IQCM: variants seen among roughly 807,000 people sequenced by gnomAD.
IQCM encodes the protein IQ motif containing M, also known as IQ domain-containing protein M.
Under a neutral mutation model 57.6 loss-of-function variants are expected in IQCM, and 45 were observed. That is an observed-to-expected ratio of 0.78 (90% CI 0.62 to 1.00). The LOEUF is 1.00. IQCM is among the 50% of genes least tolerant of loss of function. IQCM has a pLI of 0.00. For synonymous variants in IQCM, 148 were observed against 158.9 expected (o/e 0.93, Z 0.51); for missense variants, 468 against 511.6 (o/e 0.91, Z 0.82).
intron 12 of IQCM, among the ~76,000 whole-genome samples, chr4:149,488,687 G>A (rs1741780685): frequency 6.6e-6 from 1 of 152,022 alleles, no homozygotes; most frequent in African/African-American, 2.4e-5. Flanking sequence ...GCTCTATTGG[G>A]TCATAACCGC....
At chr4:149,355,756 C>T (rs1054989178) in intron 13 of IQCM, among the ~76,000 whole-genome samples, 1 of 152,042 alleles carries the variant, frequency 6.6e-6, no homozygotes, top group East Asian at 1.9e-4. Context: ...TGGGTATATA[C>T]CCAGTAATGG....
intron 13 of IQCM, among the ~76,000 whole-genome samples, chr4:149,379,193 T>C (rs1179688762): frequency 2.0e-5 from 3 of 152,170 alleles, no homozygotes. Context: ...ATGGAGAACC[T>C]CTGCTAGGGC....
At position 149,742,564 on chromosome 4, in the gene IQCM, T is replaced by C. The variant is rs993823411; in HGVS notation, c.37+91A>G. The stretch of plus-strand genomic sequence containing the variant: ...TTTCAAGATGTGCCAATAAGTGTAG[T>C]GCTCTGAGGGTCACTAATTAATAGA... On this transcript the variant is annotated intron_variant, in intron 3 of 13. Transcript: ENST00000636793. 4.7e-5 allele frequency: 31 copies of C among 655,034 alleles called. No homozygotes were observed. In the Admixed American group the frequency reaches 4.8e-4, roughly 10 times the overall value. 40.6% of individuals were successfully genotyped at this position (655,034 alleles called of 1,614,324 possible).
At chr4:149,791,226 T>C (rs1328459258) in intron 2 of IQCM, among the ~76,000 whole-genome samples, 4 of 152,162 alleles carry the variant, frequency 2.6e-5, no homozygotes, top group Admixed American at 2.0e-4. Context: ...ATTTTATTAC[T>C]GTCTTTTATT....
At chr4:149,417,973 G>C (rs935360365) in intron 13 of IQCM, among the ~76,000 whole-genome samples, 2 of 151,106 alleles carry the variant, frequency 1.3e-5, no homozygotes, top group Admixed American at 6.6e-5. Context: ...CAGTGTTAAG[G>C]GGGAAATTTA....
chr4:149,354,256 T>C (rs1449655949), intron 13 of IQCM, among the ~76,000 whole-genome samples: 4 of 143,094 alleles, frequency 2.8e-5, no homozygotes, highest in Non-Finnish European at 4.6e-5. Context: ...CCCAGCTACT[T>C]GGGAGGCTGA....
At chr4:149,358,061 A>T (rs535174058) in intron 13 of IQCM, among the ~76,000 whole-genome samples, 4 of 152,258 alleles carry the variant, frequency 2.6e-5, no homozygotes, top group Admixed American at 1.3e-4. Context: ...CTCTGATGGT[A>T]GTTTGTATTT....
chr4:149,538,610 T>C (rs1479283037), intron 12 of IQCM, among the ~76,000 whole-genome samples: 2 of 151,978 alleles, frequency 1.3e-5, no homozygotes, highest in Admixed American at 6.6e-5. Context: ...AAGATCAAAC[T>C]CTATGCTCTC....
At position 149,538,386 on chromosome 4, in the gene IQCM, T is replaced by C. The variant is rs545405677; in HGVS notation, c.1228+10069A>G. Among the ~76,000 whole-genome samples, 7 of 151,906 alleles carry C rather than the reference T, an allele frequency of 4.6e-5. 1 individual carries two copies. The East Asian group carries it at 1.4e-3, about 29-fold the overall frequency. On this transcript the variant is annotated intron_variant, in intron 12 of 13. Transcript: ENST00000636793. ...ACCACTAAGAAAATAATTATTAAAA[T>C]ATACTTTAAAAATTCCTGGTATGAT...
rs555890986 is a variant in IQCM at position 149,483,228 on chromosome 4, T to C, written c.1229-49671A>G. ...TTATCTTTGCAAAAAAACTTTTTGT[T>C]TCATTGATCTTTTGTATTGTTTTCT... is the stretch of plus-strand genomic sequence containing the variant. On this transcript the variant is annotated intron_variant, in intron 12 of 13. Transcript: ENST00000636793. Among the ~76,000 whole-genome samples, 6 of 152,004 alleles carry C rather than the reference T, an allele frequency of 3.9e-5. No homozygotes were observed. The East Asian group carries it at 1.2e-3, about 29-fold the overall frequency.
chr4:149,709,709 G>T (rs1196193539), intron 5 of IQCM, among the ~76,000 whole-genome samples: 1 of 152,060 alleles, frequency 6.6e-6, no homozygotes, highest in East Asian at 1.9e-4. Flanking sequence ...TTTATTAAGT[G>T]TGGCACATTT....
chr4:149,651,967 T>C (rs1433227708), intron 7 of IQCM, among the ~76,000 whole-genome samples: 1 of 152,170 alleles, frequency 6.6e-6, no homozygotes, highest in Admixed American at 6.5e-5. Flanking sequence ...ACCCAAAGGA[T>C]GATAAATCAT....
At chr4:149,506,416 C>T (rs775718148) in intron 12 of IQCM, among the ~76,000 whole-genome samples, 2 of 152,120 alleles carry the variant, frequency 1.3e-5, no homozygotes, top group Non-Finnish European at 2.9e-5. Flanking sequence ...GAGAAGAGTG[C>T]AACAAGAGTA....
intron 5 of IQCM, among the ~76,000 whole-genome samples, chr4:149,694,028 G>A (rs1324171088): frequency 6.6e-6 from 1 of 152,032 alleles, no homozygotes; most frequent in African/African-American, 2.4e-5. Flanking sequence ...CATGTGGACT[G>A]GGACTTATTT....
At chr4:149,674,575 G>A (rs952401477) in intron 7 of IQCM, among the ~76,000 whole-genome samples, 24 of 152,106 alleles carry the variant, frequency 1.6e-4, no homozygotes, top group African/African-American at 5.8e-4. Flanking sequence ...TGTTAGAGAG[G>A]CCTTTGGGCG....
intron 9 of IQCM, among the ~76,000 whole-genome samples, chr4:149,584,655 T>C (rs1226956940): frequency 1.3e-5 from 2 of 151,764 alleles, no homozygotes; most frequent in Non-Finnish European, 2.9e-5. Flanking sequence ...CTTGTACATA[T>C]ACAAACAAAA....
At chr4:149,487,798 C>T (rs139917653) in intron 12 of IQCM, among the ~76,000 whole-genome samples, 1 of 152,258 alleles carries the variant, frequency 6.6e-6, no homozygotes, top group Non-Finnish European at 1.5e-5. Context: ...TGTAGCAGTG[C>T]CTCTTCTGGG....
chr4:149,489,114 T>C (rs1741825455), intron 12 of IQCM, among the ~76,000 whole-genome samples: 1 of 152,082 alleles, frequency 6.6e-6, no homozygotes, highest in South Asian at 2.1e-4. Context: ...ACTACACTTT[T>C]GTCAACATCA....
At chr4:149,417,803 C>T (rs1488519079) in intron 13 of IQCM, among the ~76,000 whole-genome samples, 1 of 150,048 alleles carries the variant, frequency 6.7e-6, no homozygotes, top group Non-Finnish European at 1.5e-5. Context: ...CAAAAGCATT[C>T]TCTATTTCCC....
Sources: allele counts gnomAD v4.1 joint callset (sites outside exome capture counted in the v4.1 genomes callset), GRCh38; gene constraint gnomAD v4.1.1; transcripts MANE v1.5; gene names NCBI Gene and HGNC (gene_info 2026-07-23, HGNC 2026-07-21).